The following DDHD1 variants were observed in gnomAD, a reference collection of about 807,000 sequenced individuals.
DDHD1 encodes the protein phospholipase DDHD1.
DDHD1 carries 49 observed loss-of-function variants against 96.4 expected under a neutral mutation model. That is an observed-to-expected ratio of 0.51 (90% CI 0.40 to 0.64). The LOEUF (loss-of-function observed/expected upper bound fraction) is 0.64, where lower values mean the gene tolerates loss of function less well. Among genes scored for constraint, DDHD1 ranks in the 30% least tolerant of loss-of-function variants. The pLI is 0.00. For missense variants in DDHD1, 1,106 were observed against 1,161.2 expected (o/e 0.95, Z 0.69); for synonymous variants, 442 against 446.5 (o/e 0.99, Z 0.13).
chr14:53,092,780 T>C (rs966804277), intron 3 of DDHD1: 2 of 152,120 alleles, frequency 1.3e-5, no homozygotes, highest in African/African-American at 4.8e-5. Context: ...AGGAATTAGT[T>C]CCAGGTTATG....
intron 9 of DDHD1, among the ~76,000 whole-genome samples, 176 bp downstream of exon 9, chr14:53,058,301 G>T (rs953256718): frequency 2.6e-5 from 4 of 152,058 alleles, no homozygotes; most frequent in African/African-American, 9.7e-5. Flanking sequence ...TTTTAGTAGA[G>T]ATGAGGTTTC....
chr14:53,076,595 G>A (rs1884979611), intron 4 of DDHD1, among the ~76,000 whole-genome samples: 1 of 152,160 alleles, frequency 6.6e-6, no homozygotes, highest in Non-Finnish European at 1.5e-5. Context: ...AAATTTTCAA[G>A]TAAGTTCTAC....
intron 6 of DDHD1, 129 bp from the exon 7 acceptor site, chr14:53,063,334 A>C: frequency 9.1e-7 from 1 of 1,093,966 alleles, no homozygotes; most frequent in Non-Finnish European, 1.3e-6. Context: ...TATTAAAATT[A>C]ACTTAGGTCT....
chr14:53,119,773 T>G (rs1888839953), intron 1 of DDHD1, among the ~76,000 whole-genome samples: 1 of 152,186 alleles, frequency 6.6e-6, no homozygotes, highest in Non-Finnish European at 1.5e-5. Flanking sequence ...CTAAAAACTC[T>G]CAATAAACTA....
At chr14:53,058,681 C>A in intron 8 of DDHD1, 55 bp from the exon 9 acceptor site, 1 of 1,519,782 alleles carries the variant, frequency 6.6e-7, no homozygotes, top group Non-Finnish European at 8.9e-7. Context: ...TATCTTTCAA[C>A]AAAATTTGGG....
At chr14:53,066,297 G>T (rs866142824) in intron 6 of DDHD1, among the ~76,000 whole-genome samples, 8 of 152,068 alleles carry the variant, frequency 5.3e-5, no homozygotes, top group African/African-American at 1.9e-4. Flanking sequence ...GATTACAGGT[G>T]TGCACCACCA....
chr14:53,083,143 T>G (rs1346577893), intron 4 of DDHD1, among the ~76,000 whole-genome samples: 2 of 85,112 alleles, frequency 2.3e-5, no homozygotes, highest in Non-Finnish European at 6.1e-5. Context: ...CTTGTCACTA[T>G]TGTTTATTCT....
intron 3 of DDHD1, 193 bp downstream of exon 3, chr14:53,093,123 T>C (rs1179344688): frequency 2.5e-6 from 1 of 393,998 alleles, no homozygotes; most frequent in East Asian, 5.1e-5. Flanking sequence ...ATTCTAAATA[T>C]ATAATAATTA....
intron 1 of DDHD1, among the ~76,000 whole-genome samples, chr14:53,111,586 A>G (rs1888108573): frequency 6.6e-6 from 1 of 152,216 alleles, no homozygotes; most frequent in Admixed American, 6.5e-5. Flanking sequence ...CATTACTAAG[A>G]GGAGGCTAGG....
Position 53,153,196 on chromosome 14 carries a change from T to A in DDHD1, c.-98A>T. The A allele has an allele frequency of 9.0e-7, 1 of 1,112,748 alleles. No individual in the cohort carries two copies. The allele number at this position is 1,112,748 out of a possible 1,614,324, so 68.9% of individuals were successfully genotyped here. ...CGCCGCCGCCCTCTCCACCCGAAGTTTCTAATCTTTCAAATCCCGACCCGA... is the reference window on the plus strand; with the variant it reads ...CGCCGCCGCCCTCTCCACCCGAAGTATCTAATCTTTCAAATCCCGACCCGA... On this transcript the variant is annotated 5_prime_UTR_variant, in exon 1 of 13. Transcript: ENST00000673822.
intron 3 of DDHD1, 135 bp from the exon 4 acceptor site, chr14:53,092,067 C>T (rs1886475074): frequency 2.6e-6 from 2 of 780,700 alleles, no homozygotes. Context: ...GAAATAAAAA[C>T]TGTAAGAAGG....
intron 8 of DDHD1, among the ~76,000 whole-genome samples, chr14:53,059,703 A>C (rs540879967): frequency 2.0e-5 from 3 of 149,946 alleles, no homozygotes; most frequent in African/African-American, 7.3e-5. Context: ...GTCTCTACTA[A>C]AAATACAAAA....
chr14:53,152,507 G>C lies in DDHD1; in HGVS notation c.592C>G (p.Leu198Val). Residue 198 changes from leucine to valine, a missense_variant, in exon 1 of 13, where the codon CTG becomes GTG. Leu to Val is a conservative substitution (Grantham distance 32, BLOSUM62 1). Transcript: ENST00000673822. ...TGGGGCCGGGCACCCGTGGTCTGCA[G>C]CAGGGTCCGGAAGGCGAGCTCGATG... ...LRIELAFRTL[L>V]QTTGARPQGG... 6.2e-7 allele frequency: 1 copy of C among 1,613,336 alleles called. No individual in the cohort carries two copies. Among genetic ancestry groups the C allele is most frequent in the Non-Finnish European group, 8.5e-7 (1 of 1,179,868 alleles).
At chr14:53,088,251 C>T (rs1886147342) in intron 4 of DDHD1, among the ~76,000 whole-genome samples, 1 of 152,200 alleles carries the variant, frequency 6.6e-6, no homozygotes, top group East Asian at 1.9e-4. Flanking sequence ...CAAAGAGGAG[C>T]TGGTGCCATT....
At chr14:53,058,287 G>C (rs886973488) in intron 9 of DDHD1, among the ~76,000 whole-genome samples, 190 bp downstream of exon 9, 1 of 151,804 alleles carries the variant, frequency 6.6e-6, no homozygotes, top group African/African-American at 2.4e-5. Flanking sequence ...GCTAATTTTT[G>C]TATTTTTAGT....
At chr14:53,049,882 T>C (rs1347855684) in intron 12 of DDHD1, among the ~76,000 whole-genome samples, 1 of 152,178 alleles carries the variant, frequency 6.6e-6, no homozygotes, top group Non-Finnish European at 1.5e-5. Flanking sequence ...GTCACATACA[T>C]AGGCATATTT....
At chr14:53,103,938 T>A in intron 1 of DDHD1, 82 bp from the exon 2 acceptor site, 1 of 1,283,610 alleles carries the variant, frequency 7.8e-7, no homozygotes, top group Non-Finnish European at 1.0e-6. Context: ...AATCTTATAT[T>A]TTGCTACTGC....
chr14:53,039,070 T>C lies in DDHD1; in HGVS notation c.*7698A>G, dbSNP rs150051791. On this transcript the variant is annotated 3_prime_UTR_variant, in exon 13 of 13. Coordinates refer to ENST00000673822, the MANE Select transcript of DDHD1 (RefSeq NM_001160148.2). ...TTGTCAAATGATTATTAATTTGAAC[T>C]CTTTTGGATCCAAGAGACAGAGACC... 282 of 152,336 alleles carry C rather than the reference T, an allele frequency of 1.9e-3. 1 individual carries two copies. Among genetic ancestry groups the C allele is most frequent in the African/African-American group, 6.6e-3 (276 of 41,578 alleles). 9.4% of individuals were successfully genotyped at this position (152,336 alleles called of 1,614,324 possible). A position where few individuals can be genotyped will look rare whatever the true frequency, so the allele number is the denominator to read the frequency against.
Position 53,042,108 on chromosome 14 carries a change from G to A in DDHD1, c.*4660C>T, listed in dbSNP as rs1257950305. 6.6e-6 allele frequency: 1 copy of A among 152,086 alleles called. No homozygotes were observed. Among genetic ancestry groups the A allele is most frequent in the East Asian group, 1.9e-4 (1 of 5,192 alleles). 9.4% of individuals were successfully genotyped at this position (152,086 alleles called of 1,614,324 possible). ...ACATGAGGAGGTGAAACTGTAAAACGAAGGAATTAAATGTGATAGCATTTC... is the reference window on the plus strand; with the variant it reads ...ACATGAGGAGGTGAAACTGTAAAACAAAGGAATTAAATGTGATAGCATTTC... On this transcript the variant is annotated 3_prime_UTR_variant, in exon 13 of 13. Transcript: ENST00000673822.
Sources: allele counts gnomAD v4.1 joint callset (sites outside exome capture counted in the v4.1 genomes callset), GRCh38; gene constraint gnomAD v4.1.1; transcripts MANE v1.5; gene names NCBI Gene and HGNC (gene_info 2026-07-23, HGNC 2026-07-21).